The following NUDC variants were observed in gnomAD, a reference collection of about 807,000 sequenced individuals.
The protein encoded by NUDC is nuclear distribution C, dynein complex regulator.
Under a neutral mutation model 45.0 loss-of-function variants are expected in NUDC, and 14 were observed. The observed-to-expected ratio is 0.31, with a 90% CI of 0.21 to 0.49. The LOEUF (loss-of-function observed/expected upper bound fraction) is 0.49. Among genes scored for constraint, NUDC ranks in the 20% least tolerant of loss-of-function variants. NUDC has a pLI of 0.99. For synonymous variants in NUDC, 153 were observed against 156.7 expected, an observed-to-expected ratio of 0.98 and a Z score of 0.17; for missense variants, 323 against 426.2, an observed-to-expected ratio of 0.76 and a Z score of 2.13.
intron 2 of NUDC, among the ~76,000 whole-genome samples, chr1:26,905,307 C>A (rs28635280): frequency 0.025 from 3,786 of 149,966 alleles, 162 homozygotes; most frequent in African/African-American, 0.087. Flanking sequence ...ATTACAGGAA[C>A]CTGCCAACAC....
At chr1:26,942,269 C>T (rs2082283892) in intron 4 of NUDC, among the ~76,000 whole-genome samples, 1 of 151,976 alleles carries the variant, frequency 6.6e-6, no homozygotes, top group South Asian at 2.1e-4. Flanking sequence ...CCAGCCTGGG[C>T]GACAGAGCAA....
At chr1:26,942,592 G>A (rs2082287081) in intron 4 of NUDC, 68 bp from the exon 5 acceptor site, 2 of 1,601,660 alleles carry the variant, frequency 1.2e-6, no homozygotes, top group Non-Finnish European at 1.7e-6. Context: ...CCTGGGCTTG[G>A]CCCAGTGAGG....
At chr1:26,912,129 CCCAG>C (rs1412786804) in intron 3 of NUDC, 2 of 1,609,948 alleles carry the variant, frequency 1.2e-6, no homozygotes, top group African/African-American at 2.7e-5. Context: ...GCACCCTACT[CCCAG>C]CCACCAAAGG....
intron 2 of NUDC, among the ~76,000 whole-genome samples, chr1:26,907,808 C>T (rs7512784): frequency 6.6e-6 from 1 of 152,168 alleles, no homozygotes; most frequent in Non-Finnish European, 1.5e-5. Flanking sequence ...GGTTCCAGAC[C>T]GCTTGATCCT....
At chr1:26,908,962 GAT>G (rs1195149168) in intron 2 of NUDC, among the ~76,000 whole-genome samples, 1 of 149,274 alleles carries the variant, frequency 6.7e-6, no homozygotes, top group Non-Finnish European at 1.5e-5. Context: ...CCGACCTCGT[GAT>G]CCGCCTGGCC....
Position 26,901,691 on chromosome 1 carries a change from C to T in NUDC, c.-100-591C>T, listed in dbSNP as rs141817608. ...AAGTGCTGAGATTACAGATGTAAGC[C>T]ACCGCACCCGGCCCTCTTTGTACGT... On this transcript the variant is annotated intron_variant, in intron 1 of 6. Transcript: ENST00000435827. Among the ~76,000 whole-genome samples the T allele has an allele frequency of 1.5e-3, 224 of 152,190 alleles. 2 individuals carry two copies. Among genetic ancestry groups the T allele is most frequent in the African/African-American group, 4.6e-3 (193 of 41,526 alleles).
At chr1:26,940,242 T>C (rs56078513) in intron 2 of NUDC, among the ~76,000 whole-genome samples, 6,279 of 151,946 alleles carry the variant, frequency 0.041, 409 homozygotes, top group African/African-American at 0.14. Flanking sequence ...TTTGGGAGGC[T>C]GAGGCAGGCG....
At chr1:26,940,525 C>G (rs1468631428) in intron 2 of NUDC, among the ~76,000 whole-genome samples, 1 of 151,882 alleles carries the variant, frequency 6.6e-6, no homozygotes, top group Admixed American at 6.6e-5. Context: ...GCTAACGTGT[C>G]CTTTTTGGGT....
At chr1:26,913,268 C>G (rs980759717) in intron 3 of NUDC, 2 of 794,866 alleles carry the variant, frequency 2.5e-6, no homozygotes, top group African/African-American at 3.4e-5. Flanking sequence ...GACTGGGTGA[C>G]AGAGTGAGAC....
intron 3 of NUDC, chr1:26,912,114 G>C: frequency 1.2e-6 from 2 of 1,611,902 alleles, no homozygotes; most frequent in South Asian, 2.2e-5. Context: ...GAAGAGGGCT[G>C]GTGAGCACCC....
intron 2 of NUDC, among the ~76,000 whole-genome samples, chr1:26,931,479 T>G (rs2082183508): frequency 7.3e-6 from 1 of 137,464 alleles, no homozygotes; most frequent in African/African-American, 2.7e-5. Context: ...GCCTCCTGGG[T>G]TCAAGAGATT....
chr1:26,902,620 C>CCTGTAAGATTAAGGTA (rs1324322123), intron 2 of NUDC, among the ~76,000 whole-genome samples: 2 of 152,144 alleles, frequency 1.3e-5, no homozygotes, highest in African/African-American at 4.8e-5. Context: ...TGTGGTAACT[C>CCTGTAAGATTAAGGTA]ACACCTGTAA....
rs756254384 is a variant in NUDC, at chr1:26,945,401, G to A, written c.753G>A (p.Met251Ile). ...TGTTCTCTTCACAGATCAATAAGAT[G>A]GAGTGGTGGAGCCGCTTGGTGTCCA... ...VTVHLEKINK[M>I]EWWSRLVSSD... is the part of the protein sequence containing the mutation. The change falls in exon 7 of 9, where the codon ATG (methionine) becomes ATA (isoleucine). Residue 251 changes from methionine to isoleucine, a missense_variant. By Grantham distance (10) the Met-to-Ile change is conservative. Transcript: ENST00000321265. 12 of 1,613,944 alleles carry A rather than the reference G, an allele frequency of 7.4e-6. No homozygotes were observed. The highest frequency in any genetic ancestry group is 7.6e-6 in the Non-Finnish European group (9 of 1,179,956).
In NUDC at chr1:26,911,901, T is replaced by C. The variant is rs767676275; in HGVS notation, c.93+666T>C. On this transcript the variant is annotated intron_variant, in intron 3 of 6. Coordinates refer to the NUDC transcript ENST00000435827. ...CCAGCGATGTCAACATCTCCAATGA[T>C]AGGGCGAAAGAAGAGGTCCCCAAGC... The C allele has an allele frequency of 1.7e-5, 28 of 1,613,864 alleles. No individual in the cohort carries two copies. Among genetic ancestry groups the C allele is most frequent in the African/African-American group, 2.7e-5 (2 of 74,888 alleles).
exon 3 of NUDC, chr1:26,911,139 G>A (rs928344863): frequency 2.8e-5 from 13 of 470,962 alleles, no homozygotes; most frequent in Admixed American, 7.0e-5. Flanking sequence ...AATGGGGGAA[G>A]TGAATGATCT....
chr1:26,902,774 C>T (rs954553208), intron 2 of NUDC, among the ~76,000 whole-genome samples: 1 of 151,594 alleles, frequency 6.6e-6, no homozygotes, highest in African/African-American at 2.4e-5. Context: ...AATGGCTGGG[C>T]GCAGTGGCTA....
upstream of NUDC, among the ~76,000 whole-genome samples, chr1:26,920,488 AAAG>A (rs922309975): frequency 2.6e-5 from 4 of 151,910 alleles, no homozygotes; most frequent in South Asian, 2.1e-4. Flanking sequence ...CTAAAAAAAA[AAAG>A]AAGAATAGAT....
intron 2 of NUDC, among the ~76,000 whole-genome samples, chr1:26,905,153 TA>T (rs1230181093): frequency 0.016 from 1,957 of 126,212 alleles, 19 homozygotes; most frequent in South Asian, 0.03. Flanking sequence ...TTATTATTAT[TA>T]TTATTTTTTT....
chr1:26,920,245 G>A (rs142704929), upstream of NUDC, among the ~76,000 whole-genome samples: 3 of 152,106 alleles, frequency 2.0e-5, no homozygotes, highest in African/African-American at 4.8e-5. Context: ...ATCCTAGCGC[G>A]TTGCGAGGCC....
Sources: allele counts gnomAD v4.1 joint callset (sites outside exome capture counted in the v4.1 genomes callset), GRCh38; gene constraint gnomAD v4.1.1; transcripts MANE v1.5; gene names NCBI Gene and HGNC (gene_info 2026-07-23, HGNC 2026-07-21).